Variants in GPC5 observed in about 807,000 individuals in gnomAD.
The protein encoded by GPC5 is glypican 5, also known as glypican-5.
GPC5 carries 47 observed loss-of-function variants against 53.9 expected under a neutral mutation model. The ratio of observed to expected loss-of-function variants is 0.87; its 90% confidence interval spans 0.69 to 1.11. GPC5 has a LOEUF of 1.11. Ranked by LOEUF, GPC5 falls within the 50% of genes most tolerant of loss-of-function variation. The pLI is 0.00. For missense variants in GPC5, 748 were observed against 713.1 expected, an observed-to-expected ratio of 1.05 and a Z score of -0.56; for synonymous variants, 286 against 263.3, an observed-to-expected ratio of 1.09 and a Z score of -0.84.
intron 7 of GPC5, among the ~76,000 whole-genome samples, chr13:92,745,062 T>A (rs1297660455): frequency 6.6e-6 from 1 of 152,104 alleles, no homozygotes; most frequent in East Asian, 1.9e-4. Flanking sequence ...TGATAATATA[T>A]TGAAATATTT....
chr13:92,615,609 G>T (rs1460321781), intron 7 of GPC5, among the ~76,000 whole-genome samples: 1 of 152,114 alleles, frequency 6.6e-6, no homozygotes, highest in Non-Finnish European at 1.5e-5. Flanking sequence ...ACCAAATTGT[G>T]TTCTTTAGAT....
chr13:92,216,007 C>T (rs959030057), intron 7 of GPC5, among the ~76,000 whole-genome samples: 1 of 152,114 alleles, frequency 6.6e-6, no homozygotes, highest in Non-Finnish European at 1.5e-5. Context: ...TGCCCTTCCT[C>T]CCAGAAGGCT....
chr13:92,793,822 A>C (rs1216366433), intron 7 of GPC5, among the ~76,000 whole-genome samples: 1 of 152,186 alleles, frequency 6.6e-6, no homozygotes, highest in African/African-American at 2.4e-5. Flanking sequence ...CACCCTTCCA[A>C]GACTAAACCA....
chr13:92,852,112 G>C (rs1878832726), intron 7 of GPC5, among the ~76,000 whole-genome samples: 1 of 152,172 alleles, frequency 6.6e-6, no homozygotes, highest in South Asian at 2.1e-4. Context: ...CCTGTATGCA[G>C]AGTGAAAGAA....
chr13:92,801,917 A>G lies in GPC5; in HGVS notation c.1562-64365A>G, dbSNP rs79334611. On this transcript the variant is annotated intron_variant, in intron 7 of 7. Coordinates refer to ENST00000377067, the MANE Select transcript of GPC5 (RefSeq NM_004466.6). ...AAAAGTTTAAAAACTTTAAACAGGTATAAAGTTAAAAAGTTAGAGTAAGCT... is the reference window on the plus strand; with the variant it reads ...AAAAGTTTAAAAACTTTAAACAGGTGTAAAGTTAAAAAGTTAGAGTAAGCT... Among the ~76,000 whole-genome samples, 1,297 of 151,996 alleles carry G rather than the reference A, an allele frequency of 8.5e-3. 19 individuals are homozygous for G. The highest frequency in any genetic ancestry group is 0.03 in the African/African-American group (1,243 of 41,518).
intron 6 of GPC5, among the ~76,000 whole-genome samples, chr13:92,035,158 T>A (rs1212033443): frequency 1.4e-5 from 2 of 142,552 alleles, no homozygotes; most frequent in African/African-American, 2.7e-5. Flanking sequence ...GGGCTTGCAG[T>A]GAGCAGAGAT....
intron 7 of GPC5, among the ~76,000 whole-genome samples, chr13:92,505,196 A>C (rs1345460512): frequency 6.6e-6 from 1 of 151,890 alleles, no homozygotes; most frequent in East Asian, 1.9e-4. Flanking sequence ...AGAGCATAGA[A>C]AGAGCAAAAA....
intron 7 of GPC5, among the ~76,000 whole-genome samples, chr13:92,769,360 T>C (rs1875527232): frequency 6.6e-6 from 1 of 152,144 alleles, no homozygotes; most frequent in African/African-American, 2.4e-5. Context: ...GTCATTTGTC[T>C]TCCCTGGTTT....
chr13:92,628,380 A>G (rs1422953220), intron 7 of GPC5, among the ~76,000 whole-genome samples: 4 of 141,638 alleles, frequency 2.8e-5, no homozygotes, highest in African/African-American at 1.0e-4. Flanking sequence ...GGCTCATGCC[A>G]CTCTCCTGCC....
chr13:92,564,061 A>G (rs1256974893), intron 7 of GPC5, among the ~76,000 whole-genome samples: 6 of 152,026 alleles, frequency 3.9e-5, no homozygotes. Flanking sequence ...TTACTGTGCT[A>G]TTGCCAAGTA....
intron 5 of GPC5, among the ~76,000 whole-genome samples, chr13:91,902,850 C>T (rs373821776): frequency 1.2e-4 from 19 of 152,012 alleles, no homozygotes; most frequent in African/African-American, 4.3e-4. Context: ...GACGACAGAC[C>T]ACTTAGTCTA....
In GPC5 at chr13:91,581,337, G is replaced by T. The variant is rs544810311; in HGVS notation, c.326-111850G>T. Among the ~76,000 whole-genome samples, 4 of 152,272 alleles carry T rather than the reference G, an allele frequency of 2.6e-5. No individual in the cohort carries two copies. The South Asian group carries it at 6.2e-4, about 24-fold the overall frequency. The stretch of plus-strand genomic sequence containing the variant: ...GTGGAAGAAATATAACACTATTTTG[G>T]CCCCATCATGGTCAGCTTTTGTAAA... On this transcript the variant is annotated intron_variant, in intron 2 of 7. Coordinates refer to ENST00000377067, the MANE Select transcript of GPC5 (RefSeq NM_004466.6).
chr13:91,869,124 A>G (rs936357521), intron 5 of GPC5, among the ~76,000 whole-genome samples: 3 of 151,980 alleles, frequency 2.0e-5, no homozygotes, highest in South Asian at 2.1e-4. Flanking sequence ...CCTTGGTGCA[A>G]TCTTGGCTTA....
intron 7 of GPC5, among the ~76,000 whole-genome samples, chr13:92,212,269 A>C (rs559270008): frequency 6.6e-6 from 1 of 152,216 alleles, no homozygotes; most frequent in South Asian, 2.1e-4. Context: ...ATAGAGGTGA[A>C]GCAGTTTGCC....
In GPC5 at chr13:91,420,547, C is replaced by T. The variant is rs138061334; in HGVS notation, c.163+21338C>T. On this transcript the variant is annotated intron_variant, in intron 1 of 7. Coordinates refer to ENST00000377067, the MANE Select transcript of GPC5 (RefSeq NM_004466.6). ...CTTTTTCCTTTCTGCGATTATTTTT[C>T]GATTTACCTTCAGATATTTTGTGAA... 1.1e-4 allele frequency among the ~76,000 whole-genome samples: 17 copies of T among 152,268 alleles called. No individual in the cohort carries two copies. In the East Asian group the frequency reaches 2.7e-3, roughly 24 times the overall value.
chr13:91,510,996 G>T (rs750098289), intron 2 of GPC5, among the ~76,000 whole-genome samples: 2 of 151,572 alleles, frequency 1.3e-5, no homozygotes, highest in Non-Finnish European at 2.9e-5. Flanking sequence ...TTTACACATG[G>T]AAAGGTTTTG....
intron 1 of GPC5, among the ~76,000 whole-genome samples, chr13:91,435,455 T>C (rs1879861419): frequency 6.6e-6 from 1 of 152,234 alleles, no homozygotes; most frequent in South Asian, 2.1e-4. Flanking sequence ...ATATGGTTTT[T>C]GTCGTTGGTT....
intron 7 of GPC5, among the ~76,000 whole-genome samples, chr13:92,255,184 C>A (rs1360802910): frequency 6.6e-6 from 1 of 152,034 alleles, no homozygotes; most frequent in African/African-American, 2.4e-5. Context: ...AACCAACCTC[C>A]CAGGGATGTG....
chr13:91,429,775 A>G (rs1330867180), intron 1 of GPC5, among the ~76,000 whole-genome samples: 1 of 152,240 alleles, frequency 6.6e-6, no homozygotes, highest in East Asian at 1.9e-4. Context: ...GATACCCAAG[A>G]CATCCTGATT....
Sources: allele counts gnomAD v4.1 joint callset (sites outside exome capture counted in the v4.1 genomes callset), GRCh38; gene constraint gnomAD v4.1.1; transcripts MANE v1.5; gene names NCBI Gene and HGNC (gene_info 2026-07-23, HGNC 2026-07-21).